The following CMKLR1 variants were observed in gnomAD, a reference collection of about 807,000 sequenced individuals.
CMKLR1 encodes chemerin chemokine-like receptor 1.
In CMKLR1, 6 loss-of-function variants were observed where a neutral mutation model predicts 8.2. The ratio of observed to expected loss-of-function variants is 0.73; its 90% confidence interval spans 0.40 to 1.44. The LOEUF (loss-of-function observed/expected upper bound fraction) is 1.44, where lower values mean the gene tolerates loss of function less well. Ranked by LOEUF, CMKLR1 falls within the 40% of genes most tolerant of loss-of-function variation. The pLI is 0.02. For missense variants in CMKLR1, 429 were observed against 478.0 expected (o/e 0.90, Z 0.96); for synonymous variants, 178 against 181.2 (o/e 0.98, Z 0.14).
rs1410183022 is a variant in CMKLR1, at chr12:108,290,324, T to C, written c.*1517A>G. 1.3e-5 allele frequency: 2 copies of C among 152,320 alleles called. No homozygotes were observed. The highest frequency in any genetic ancestry group is 4.8e-5 in the African/African-American group (2 of 41,576). The allele number at this position is 152,320 out of a possible 1,614,324, so 9.4% of individuals were successfully genotyped here. A position where few individuals can be genotyped will look rare whatever the true frequency, so the allele number is the denominator to read the frequency against. Reference sequence around the variant, plus strand: ...CCGGCAGAGACTAGCTGGGTACCTTTGGGCAAGTTACTTAACCTCTCTAAG... The same window carrying C: ...CCGGCAGAGACTAGCTGGGTACCTTCGGGCAAGTTACTTAACCTCTCTAAG... On this transcript the variant is annotated 3_prime_UTR_variant, in exon 4 of 4. Coordinates refer to ENST00000550402, the MANE Select transcript of CMKLR1 (RefSeq NM_001142343.2).
intron 2 of CMKLR1, among the ~76,000 whole-genome samples, chr12:108,328,646 A>G (rs934862470): frequency 5.3e-5 from 8 of 152,192 alleles, no homozygotes; most frequent in African/African-American, 1.9e-4. Flanking sequence ...CTGACAGCTG[A>G]AGAGGCCCCC....
In CMKLR1 at chr12:108,303,835, C is replaced by T. The variant is rs780232076; in HGVS notation, c.-73-10171G>A. Reference sequence around the variant, plus strand: ...CCTGAATGTGAAATGCCTCCAATCTCGGTTACAGGAGAAGCCTTTGGAGGC... The same window carrying T: ...CCTGAATGTGAAATGCCTCCAATCTTGGTTACAGGAGAAGCCTTTGGAGGC... On this transcript the variant is annotated intron_variant, in intron 2 of 3. Coordinates refer to ENST00000550402, the MANE Select transcript of CMKLR1 (RefSeq NM_001142343.2). Among the ~76,000 whole-genome samples, 41 of 152,216 alleles carry T rather than the reference C, an allele frequency of 2.7e-4. 1 individual carries two copies. The highest frequency in any genetic ancestry group is 4.9e-4 in the Non-Finnish European group (33 of 68,038).
Position 108,291,966 on chromosome 12 carries a change from G to A in CMKLR1, c.997C>T (p.Arg333Cys), listed in dbSNP as rs370160040. The A allele has an allele frequency of 1.7e-5, 27 of 1,614,068 alleles. No homozygotes were observed. The highest frequency in any genetic ancestry group is 1.6e-4 in the Middle Eastern group (1 of 6,084). ...FKKFKVALFSRLVNALSEDTG... is the reference protein window; with the variant it reads ...FKKFKVALFSCLVNALSEDTG... Reference sequence around the variant, plus strand: ...TCTTCACTTAGAGCATTGACCAGGCGAGAGAAGAGGGCCACCTTGAACTTC... The same window carrying A: ...TCTTCACTTAGAGCATTGACCAGGCAAGAGAAGAGGGCCACCTTGAACTTC... Residue 333 changes from arginine to cysteine, a missense_variant, in exon 4 of 4, where the codon CGC (arginine) becomes TGC (cysteine). Coordinates refer to ENST00000550402, the MANE Select transcript of CMKLR1 (RefSeq NM_001142343.2).
In CMKLR1 at chr12:108,289,778, A is replaced by C. The variant is rs1167173389; in HGVS notation, c.*2063T>G. On this transcript the variant is annotated 3_prime_UTR_variant, in exon 4 of 4. Transcript: ENST00000550402. ...AGAGGCTCCAGCTTGGGATCAATTC[A>C]GAGCTGCCTTGTCATAAGCATTAAG... is the stretch of plus-strand genomic sequence containing the variant. The C allele has an allele frequency of 2.0e-5, 3 of 152,310 alleles. No individual in the cohort carries two copies. Among genetic ancestry groups the C allele is most frequent in the Non-Finnish European group, 4.4e-5 (3 of 68,066 alleles). The allele number at this position is 152,310 out of a possible 1,614,324, so 9.4% of individuals were successfully genotyped here.
chr12:108,318,747 C>A (rs1891790603), intron 2 of CMKLR1, among the ~76,000 whole-genome samples: 1 of 152,160 alleles, frequency 6.6e-6, no homozygotes, highest in Non-Finnish European at 1.5e-5. Context: ...CCCATAGCAG[C>A]CAGAGCCCAA....
chr12:108,296,697 G>T lies in CMKLR1; in HGVS notation c.-73-3033C>A, dbSNP rs369489151. On this transcript the variant is annotated intron_variant, in intron 2 of 3. Coordinates refer to ENST00000550402, the MANE Select transcript of CMKLR1 (RefSeq NM_001142343.2). ...AAAAATTAGCCAGGCATGGCAACAC[G>T]TGCCTGTAATCCCAGCTACTCAGGA... Among the ~76,000 whole-genome samples, 7 of 152,222 alleles carry T rather than the reference G, an allele frequency of 4.6e-5. No homozygotes were observed. The East Asian group carries it at 1.2e-3, about 25-fold the overall frequency.
chr12:108,291,992 T>C lies in CMKLR1; in HGVS notation c.971A>G (p.Lys324Arg), dbSNP rs770237063. 1.2e-6 allele frequency: 2 copies of C among 1,614,196 alleles called. No homozygotes were observed. Among genetic ancestry groups the C allele is most frequent in the East Asian group, 2.2e-5 (1 of 44,880 alleles). ...AGAGAAGAGGGCCACCTTGAACTTCTTGAAGTCCTGACCCATGAAAACATA... is the reference window on the plus strand; with the variant it reads ...AGAGAAGAGGGCCACCTTGAACTTCCTGAAGTCCTGACCCATGAAAACATA... ...ILYVFMGQDF[K>R]KFKVALFSRL... Residue 324 changes from lysine to arginine, a missense_variant, in exon 4 of 4, where the codon AAG becomes AGG. Coordinates refer to ENST00000550402, the MANE Select transcript of CMKLR1 (RefSeq NM_001142343.2).
At chr12:108,314,856 GCTGGGCTTA>G (rs1249546445) in intron 2 of CMKLR1, among the ~76,000 whole-genome samples, 3 of 151,652 alleles carry the variant, frequency 2.0e-5, no homozygotes, top group Non-Finnish European at 4.4e-5. Flanking sequence ...TTCCCAAAGT[GCTGGGCTTA>G]CCATCATGTT....
chr12:108,313,627 A>G (rs796179467), intron 2 of CMKLR1, among the ~76,000 whole-genome samples: 19 of 152,342 alleles, frequency 1.2e-4, no homozygotes, highest in African/African-American at 4.6e-4. Flanking sequence ...GGGATGCAGA[A>G]TGTAAAGTGC....
At chr12:108,296,028 C>T (rs1027278226) in intron 2 of CMKLR1, among the ~76,000 whole-genome samples, 9 of 152,280 alleles carry the variant, frequency 5.9e-5, no homozygotes, top group Admixed American at 1.3e-4. Context: ...TGGTGCATCG[C>T]CCCCACCCCA....
At chr12:108,302,420 T>A (rs1416817419) in intron 2 of CMKLR1, among the ~76,000 whole-genome samples, 3 of 152,154 alleles carry the variant, frequency 2.0e-5, no homozygotes, top group African/African-American at 7.2e-5. Flanking sequence ...CAGAAGCAAA[T>A]CCTCAACTGA....
In CMKLR1 at chr12:108,337,706, A is replaced by G. The variant is rs185074072; in HGVS notation, c.-287+1321T>C. 5.3e-5 allele frequency among the ~76,000 whole-genome samples: 8 copies of G among 152,202 alleles called. No homozygotes were observed. In the East Asian group the frequency reaches 1.5e-3, roughly 29 times the overall value. On this transcript the variant is annotated intron_variant, in intron 1 of 3. Coordinates refer to ENST00000550402, the MANE Select transcript of CMKLR1 (RefSeq NM_001142343.2). ...TATCTGTTCCCTGAAGTTTTGGGGG[A>G]GTCCAAAGAAGGCCCCTGTGCATCA...
chr12:108,292,890 T>C lies in CMKLR1; in HGVS notation c.73A>G (p.Ile25Val). The change falls in exon 4 of 4, where the codon ATT becomes GTT. Residue 25 changes from isoleucine to valine, a missense_variant. Coordinates refer to ENST00000550402, the MANE Select transcript of CMKLR1 (RefSeq NM_001142343.2). ...GDEYPDYLDS[I>V]VVLEDLSPLE... Reference sequence around the variant, plus strand: ...GGGGATAAGTCCTCCAAAACCACAATGGAGTCTAAATAATCAGGGTATTCA... The same window carrying C: ...GGGGATAAGTCCTCCAAAACCACAACGGAGTCTAAATAATCAGGGTATTCA... The C allele has an allele frequency of 1.9e-6, 3 of 1,614,068 alleles. No individual in the cohort carries two copies. Among genetic ancestry groups the C allele is most frequent in the Non-Finnish European group, 2.5e-6 (3 of 1,179,982 alleles).
rs555661276 is a variant in CMKLR1 at position 108,335,152 on chromosome 12, C to T, written c.-287+3875G>A. Among the ~76,000 whole-genome samples, 8 of 152,314 alleles carry T rather than the reference C, an allele frequency of 5.3e-5. No homozygotes were observed. In the East Asian group the frequency reaches 1.5e-3, roughly 29 times the overall value. ...ACCCAAGAGGTCACCACATTTGTGACAGAGACAGGTAGCTGTCCACAAAAA... is the reference window on the plus strand; with the variant it reads ...ACCCAAGAGGTCACCACATTTGTGATAGAGACAGGTAGCTGTCCACAAAAA... On this transcript the variant is annotated intron_variant, in intron 1 of 3. Transcript: ENST00000550402.
chr12:108,329,775 C>T (rs891554627), intron 2 of CMKLR1, among the ~76,000 whole-genome samples: 3 of 152,226 alleles, frequency 2.0e-5, no homozygotes, highest in East Asian at 1.9e-4. Context: ...GCTCCTAGCA[C>T]ACAGTTAGTG....
intron 2 of CMKLR1, among the ~76,000 whole-genome samples, chr12:108,312,178 T>C (rs1163767814): frequency 6.6e-6 from 1 of 152,204 alleles, no homozygotes; most frequent in Non-Finnish European, 1.5e-5. Context: ...TTCACAGATG[T>C]TGAAACTGAG....
intron 1 of CMKLR1, among the ~76,000 whole-genome samples, chr12:108,335,090 A>G (rs1218650620): frequency 6.6e-6 from 1 of 152,156 alleles, no homozygotes; most frequent in Non-Finnish European, 1.5e-5. Flanking sequence ...AAGATTGACT[A>G]ATGGAAATGT....
intron 2 of CMKLR1, among the ~76,000 whole-genome samples, chr12:108,311,283 A>AATGTGTGT (rs141024739): frequency 0.23 from 34,271 of 151,756 alleles, 4,409 homozygotes; most frequent in African/African-American, 0.34. Context: ...GGTTGACATG[A>AATGTGTGT]ATGTGTGTAT....
chr12:108,306,936 C>T (rs989571782), intron 2 of CMKLR1, among the ~76,000 whole-genome samples: 1 of 152,154 alleles, frequency 6.6e-6, no homozygotes, highest in Non-Finnish European at 1.5e-5. Context: ...CCTTCCAGGC[C>T]AGGAAGCCCC....
Sources: gnomAD v4.1 joint callset for allele counts (sites outside exome capture counted in the v4.1 genomes callset) on GRCh38, gnomAD v4.1.1 for gene constraint, MANE v1.5 for transcripts, NCBI Gene and HGNC (gene_info 2026-07-23, HGNC 2026-07-21) for gene names.